SHROOM2: variants seen among roughly 807,000 people sequenced by gnomAD.
SHROOM2 encodes the protein protein Shroom2.
A neutral mutation model predicts 75.9 loss-of-function variants in SHROOM2; 33 were observed. The ratio of observed to expected loss-of-function variants is 0.43; its 90% CI spans 0.33 to 0.58. The LOEUF (loss-of-function observed/expected upper bound fraction) is 0.58, where lower values mean the gene tolerates loss of function less well. SHROOM2 is among the 20% of genes least tolerant of loss of function. The probability of loss-of-function intolerance (pLI) is 0.04; values close to 1 mark genes in which losing one functional copy is unlikely to be tolerated. For missense variants in SHROOM2, 1,434 were observed against 1,461.2 expected (o/e 0.98, Z 0.30); for synonymous variants, 655 against 663.6 (o/e 0.99, Z 0.20).
chrX:9,855,737 A>G (rs1274869416), intron 1 of SHROOM2, among the ~76,000 whole-genome samples: 1 of 111,687 alleles, frequency 9.0e-6, no homozygotes, highest in East Asian at 2.8e-4. Flanking sequence ...TTGTACGACC[A>G]TCGGGTGTGT....
intron 1 of SHROOM2, chrX:9,818,967 G>C (rs958877721): frequency 1.6e-6 from 1 of 627,361 alleles, no homozygotes; most frequent in Admixed American, 2.3e-5. Flanking sequence ...TTTCTTTGGT[G>C]GTGGTGTCTC....
intron 5 of SHROOM2, among the ~76,000 whole-genome samples, chrX:9,923,124 C>T (rs144170261): frequency 0.015 from 1,634 of 111,564 alleles, 9 homozygotes; most frequent in Non-Finnish European, 0.024. Context: ...ATTTGTAAAA[C>T]CTATGATTTT....
At chrX:9,849,021 G>A (rs139889413) in intron 1 of SHROOM2, among the ~76,000 whole-genome samples, 620 of 111,804 alleles carry the variant, frequency 5.5e-3, no homozygotes, top group Middle Eastern at 0.023. Flanking sequence ...AGTACAGCTG[G>A]ACTCACCCGT....
intron 1 of SHROOM2, among the ~76,000 whole-genome samples, chrX:9,864,541 G>A (rs764724156): frequency 6.3e-5 from 7 of 111,156 alleles, no homozygotes; most frequent in East Asian, 2.8e-4. Flanking sequence ...TAAATAGGCC[G>A]GGCGCGGTGG....
At chrX:9,913,139 C>G (rs1449269886) in intron 5 of SHROOM2, 5 of 112,345 alleles carry the variant, frequency 4.5e-5, no homozygotes, top group African/African-American at 1.6e-4. Context: ...GAAGACCTGC[C>G]TGCCTCGTTT....
chrX:9,923,005 T>C (rs1024519349), intron 5 of SHROOM2, among the ~76,000 whole-genome samples: 5 of 111,817 alleles, frequency 4.5e-5, no homozygotes, highest in Non-Finnish European at 9.4e-5. Context: ...CAAATATTAA[T>C]TTTTAAAACC....
intron 1 of SHROOM2, among the ~76,000 whole-genome samples, chrX:9,809,468 C>G (rs1172909795): frequency 9.0e-6 from 1 of 111,637 alleles, no homozygotes; most frequent in Admixed American, 9.6e-5. Flanking sequence ...ATTCTTCAAT[C>G]CAATCAAGTT....
intron 5 of SHROOM2, among the ~76,000 whole-genome samples, chrX:9,922,538 G>C (rs1419267624): frequency 3.6e-5 from 4 of 110,041 alleles, no homozygotes; most frequent in Non-Finnish European, 7.6e-5. Flanking sequence ...TTTGGCGGTT[G>C]ACCCTTCATT....
In SHROOM2 at chrX:9,891,069, C is replaced by T. The variant is rs1420609105; in HGVS notation, c.410C>T (p.Thr137Ile). The T allele has an allele frequency of 3.3e-6, 4 of 1,205,575 alleles. No individual in the cohort carries two copies. The highest frequency in any genetic ancestry group is 3.6e-5 in the South Asian group (2 of 55,545). The change falls in exon 3 of 10, where the codon ACC becomes ATC. Residue 137 changes from threonine (T) to isoleucine (I), a missense_variant. This residue lies in a region of SHROOM2 where 1,340 missense variants were observed against 1,338.3 expected (regional missense o/e 1.00). Transcript: ENST00000380913. ...PELAASPFTS[T>I]SGCPSWSGRH... ...CTAGCGGCCTCCCCATTCACCTCCA[C>T]CAGCGGCTGTCCTTCCTGGTCCGGC...
At chrX:9,875,110 A>AGG (rs1247277489) in intron 2 of SHROOM2, among the ~76,000 whole-genome samples, 2 of 93,116 alleles carry the variant, frequency 2.1e-5, no homozygotes, top group African/African-American at 8.2e-5. Context: ...AAAAAAAAAA[A>AGG]GGGGAGGAAG....
intron 3 of SHROOM2, among the ~76,000 whole-genome samples, chrX:9,891,895 G>GCA (rs1328853826): frequency 9.2e-6 from 1 of 108,913 alleles, no homozygotes; most frequent in African/African-American, 3.3e-5. Context: ...GTGTGTGTGC[G>GCA]CGTGCGTGCA....
intron 1 of SHROOM2, among the ~76,000 whole-genome samples, chrX:9,810,552 T>G (rs762331891): frequency 4.9e-4 from 54 of 110,587 alleles, no homozygotes; most frequent in Non-Finnish European, 9.5e-4. Context: ...ATGGAATCAT[T>G]GTTGTGTCTC....
Position 9,895,754 on chromosome X carries a change from G to T in SHROOM2, c.1846G>T (p.Val616Leu). The change falls in exon 4 of 10, where the codon GTG (valine) becomes TTG (leucine). Residue 616 changes from valine (V) to leucine (L), a missense_variant. Val to Leu is a conservative substitution (Grantham distance 32, BLOSUM62 1). Transcript: ENST00000380913. ...CAGACCGCCACCGTTCGACGCCCAC[G>T]TGGGCAAGCCCACCCGAAGAAGCGA... ...ATRPPPFDAHVGKPTRRSDRF... is the reference protein window; with the variant it reads ...ATRPPPFDAHLGKPTRRSDRF... 1 of 1,201,970 alleles carries T rather than the reference G, an allele frequency of 8.3e-7. No homozygotes were observed. Among genetic ancestry groups the T allele is most frequent in the Non-Finnish European group, 1.1e-6 (1 of 890,875 alleles).
chrX:9,898,745 G>A lies in SHROOM2; in HGVS notation c.2891+455G>A, dbSNP rs767839272. Among the ~76,000 whole-genome samples the A allele has an allele frequency of 2.7e-5, 3 of 111,810 alleles. No individual in the cohort carries two copies. In the Admixed American group the frequency reaches 2.8e-4, roughly 11 times the overall value. ...AAGGATTGTTAGTAAGAAAGGAACA[G>A]GGCAGGCCTTCCTAAATTGGACCTA... On this transcript the variant is annotated intron_variant, in intron 5 of 9. Coordinates refer to ENST00000380913, the MANE Select transcript of SHROOM2 (RefSeq NM_001649.4).
chrX:9,882,825 T>G (rs1218077830), intron 2 of SHROOM2, among the ~76,000 whole-genome samples: 1 of 112,175 alleles, frequency 8.9e-6, no homozygotes, highest in African/African-American at 3.2e-5. Context: ...ATGTCTCAGT[T>G]TCAGCTACTT....
At position 9,896,199 on chromosome X, in the gene SHROOM2, C is replaced by T. The variant is rs1442536064; in HGVS notation, c.2291C>T (p.Ser764Leu). Reference sequence around the variant, plus strand: ...GCTGAGCAGAAATTGAAGTCCTACTCGGAACCTGAGAAGATGAACGAGGTG... The same window carrying T: ...GCTGAGCAGAAATTGAAGTCCTACTTGGAACCTGAGAAGATGAACGAGGTG... The part of the protein sequence containing the change: ...FTAEQKLKSY[S>L]EPEKMNEVGL... Residue 764 changes from serine to leucine, a missense_variant, in exon 4 of 10, where the codon TCG (serine) becomes TTG (leucine). By Grantham distance (145) the Ser-to-Leu change is moderately radical. Coordinates refer to ENST00000380913, the MANE Select transcript of SHROOM2 (RefSeq NM_001649.4). The T allele has an allele frequency of 8.3e-7, 1 of 1,211,203 alleles. No individual in the cohort carries two copies. Among genetic ancestry groups the T allele is most frequent in the Non-Finnish European group, 1.1e-6 (1 of 895,359 alleles).
chrX:9,837,647 G>A (rs964738303), intron 1 of SHROOM2, among the ~76,000 whole-genome samples: 4 of 112,096 alleles, frequency 3.6e-5, no homozygotes, highest in African/African-American at 1.3e-4. Context: ...CTTTTTCTTT[G>A]GCCAAGTGGA....
At chrX:9,893,792 A>T (rs1416782349) in intron 3 of SHROOM2, among the ~76,000 whole-genome samples, 2 of 109,726 alleles carry the variant, frequency 1.8e-5, no homozygotes, top group Non-Finnish European at 3.8e-5. Context: ...TCTCTACTAA[A>T]AATACAACAA....
intron 1 of SHROOM2, among the ~76,000 whole-genome samples, chrX:9,831,428 G>A (rs780392438): frequency 1.5e-3 from 170 of 111,895 alleles, no homozygotes; most frequent in African/African-American, 5.2e-3. Flanking sequence ...GGAGGCTGAG[G>A]TGGGCGGATC....
Sources: allele counts gnomAD v4.1 joint callset (sites outside exome capture counted in the v4.1 genomes callset), GRCh38; gene constraint gnomAD v4.1.1; regional missense constraint gnomAD v4.1.1; transcripts MANE v1.5; gene names NCBI Gene and HGNC (gene_info 2026-07-23, HGNC 2026-07-21).